Variants in CUL5 observed in about 807,000 individuals in gnomAD.
CUL5 encodes cullin 5.
CUL5 carries 26 observed loss-of-function variants against 108.8 expected under a neutral mutation model. The observed-to-expected ratio is 0.24, with a 90% CI of 0.18 to 0.33. The LOEUF (loss-of-function observed/expected upper bound fraction) is 0.33, where lower values mean the gene tolerates loss of function less well. CUL5 is among the 10% of genes least tolerant of loss of function. CUL5 has a pLI of 1.00. For missense variants in CUL5, 524 were observed against 909.2 expected (o/e 0.58, Z 5.45); for synonymous variants, 334 against 298.0 (o/e 1.12, Z -1.25).
At chr11:108,067,849 C>A (rs1005054883) in intron 7 of CUL5, among the ~76,000 whole-genome samples, 7 of 152,166 alleles carry the variant, frequency 4.6e-5, no homozygotes, top group African/African-American at 1.4e-4. Context: ...GATTACTCAG[C>A]AGTTGGGGCA....
intron 8 of CUL5, 107 bp from the exon 9 acceptor site, chr11:108,072,225 G>A (rs760484703): frequency 4.1e-5 from 36 of 877,398 alleles, no homozygotes; most frequent in Admixed American, 1.6e-4. Context: ...ACTCCTAATG[G>A]CATTGTATCC....
intron 18 of CUL5, among the ~76,000 whole-genome samples, chr11:108,098,735 T>C (rs988678022): frequency 1.3e-5 from 2 of 152,010 alleles, no homozygotes; most frequent in African/African-American, 2.4e-5. Context: ...TTTAAAAATA[T>C]ATTAAAAATT....
At chr11:108,041,991 CTAAA>C (rs1862929935) in intron 2 of CUL5, among the ~76,000 whole-genome samples, 2 of 152,044 alleles carry the variant, frequency 1.3e-5, no homozygotes, top group African/African-American at 4.8e-5. Context: ...TTATAGTAAA[CTAAA>C]TAAAAGATGA....
rs750544241 is a variant in CUL5 at position 108,072,317 on chromosome 11, G to C, written c.875-15G>C. 16 of 1,581,864 alleles carry C rather than the reference G, an allele frequency of 1.0e-5. No individual in the cohort carries two copies. The South Asian group carries it at 1.9e-4, about 18-fold the overall frequency. On this transcript the variant is annotated splice_polypyrimidine_tract_variant and intron_variant, in intron 8 of 18. Transcript: ENST00000393094. ...GTAAATGAAATGATTACATGAATGT[G>C]TTCTCTCCTTCCAGAATTACATTTA...
intron 1 of CUL5, among the ~76,000 whole-genome samples, chr11:108,013,142 C>T (rs763068355): frequency 6.6e-6 from 1 of 152,144 alleles, no homozygotes; most frequent in Non-Finnish European, 1.5e-5. Flanking sequence ...TATTATTGCT[C>T]ATTTCCTCTG....
At chr11:108,019,219 T>G (rs1862273338) in intron 1 of CUL5, among the ~76,000 whole-genome samples, 1 of 144,376 alleles carries the variant, frequency 6.9e-6, no homozygotes, top group African/African-American at 2.5e-5. Context: ...TGGGGTGGGG[T>G]GGATCCTGGA....
At chr11:108,042,134 C>G (rs1457893010) in intron 2 of CUL5, among the ~76,000 whole-genome samples, 4 of 151,330 alleles carry the variant, frequency 2.6e-5, no homozygotes, top group Non-Finnish European at 4.4e-5. Flanking sequence ...TTTCTTATCA[C>G]TTCACATTTT....
rs572346234 is a variant in CUL5 at position 108,066,998 on chromosome 11, G to A, written c.781-3098G>A. Among the ~76,000 whole-genome samples the A allele has an allele frequency of 7.2e-5, 11 of 152,316 alleles. No homozygotes were observed. In the South Asian group the frequency reaches 1.2e-3, roughly 17 times the overall value. ...GTTCTGAGCATGTAGCCATCACTAA[G>A]TATGTACATGCTCTACTTCTGTAGT... is the stretch of plus-strand genomic sequence containing the variant. On this transcript the variant is annotated intron_variant, in intron 7 of 18. Transcript: ENST00000393094.
At chr11:108,073,081 A>T (rs1027940604) in intron 9 of CUL5, among the ~76,000 whole-genome samples, 5 of 151,988 alleles carry the variant, frequency 3.3e-5, no homozygotes, top group African/African-American at 1.2e-4. Context: ...GGGCGCCTAT[A>T]GTCCCAGCTA....
chr11:108,031,810 A>G (rs1430392066), intron 1 of CUL5, among the ~76,000 whole-genome samples: 2 of 152,238 alleles, frequency 1.3e-5, no homozygotes, highest in Non-Finnish European at 1.5e-5. Flanking sequence ...AAAATGTGGT[A>G]CATATACACC....
intron 11 of CUL5, among the ~76,000 whole-genome samples, chr11:108,086,344 A>G (rs1385892886): frequency 6.6e-6 from 1 of 152,200 alleles, no homozygotes; most frequent in East Asian, 1.9e-4. Context: ...AATCCCAGCT[A>G]GTTGGGAGGC....
At chr11:108,096,450 C>T (rs1227110487) in intron 16 of CUL5, among the ~76,000 whole-genome samples, 1 of 151,460 alleles carries the variant, frequency 6.6e-6, no homozygotes, top group Non-Finnish European at 1.5e-5. Context: ...CACACCACTG[C>T]ACTCCAGCCT....
chr11:108,028,704 T>G (rs1372356847), intron 1 of CUL5, among the ~76,000 whole-genome samples: 1 of 151,962 alleles, frequency 6.6e-6, no homozygotes, highest in Non-Finnish European at 1.5e-5. Flanking sequence ...AGCGTGGTGG[T>G]GCACACCTGT....
At chr11:108,078,100 G>A in intron 10 of CUL5, 76 bp from the exon 11 acceptor site, 1 of 787,742 alleles carries the variant, frequency 1.3e-6, no homozygotes, top group Non-Finnish European at 2.0e-6. Flanking sequence ...ATATTTTTAT[G>A]TGTTTTGGGA....
chr11:108,010,092 CAG>C (rs1287159809), intron 1 of CUL5, among the ~76,000 whole-genome samples: 2 of 152,256 alleles, frequency 1.3e-5, no homozygotes, highest in Non-Finnish European at 2.9e-5. Context: ...TCTAGGCCCA[CAG>C]GGGCAGATTC....
At chr11:108,055,519 A>G (rs1328240900) in intron 7 of CUL5, among the ~76,000 whole-genome samples, 1 of 151,602 alleles carries the variant, frequency 6.6e-6, no homozygotes, top group East Asian at 1.9e-4. Flanking sequence ...TGGTGCAATT[A>G]TACCTCACTG....
rs77918129 is a variant in CUL5 at position 108,050,039 on chromosome 11, A to G, written c.384A>G (p.Ser128=). ...LMGKQGSNKK[S]NVEDSIVRKL... is the part of the protein sequence containing the mutation. The stretch of plus-strand genomic sequence containing the variant: ...GTAAACAGGGCAGCAATAAAAAATC[A>G]AATGTGGAAGACAGTATTGTTCGAA... Residue 128 remains serine, a synonymous_variant, in exon 4 of 19, where the codon TCA becomes TCG. Coordinates refer to ENST00000393094, the MANE Select transcript of CUL5 (RefSeq NM_003478.6). 8.2e-4 allele frequency: 1,330 copies of G among 1,612,764 alleles called. No individual in the cohort carries two copies. Among genetic ancestry groups the G allele is most frequent in the Non-Finnish European group, 1.1e-3 (1,277 of 1,179,560 alleles).
chr11:108,033,771 T>G (rs1305529709), intron 1 of CUL5, 31 bp from the exon 2 acceptor site: 1 of 1,372,636 alleles, frequency 7.3e-7, no homozygotes, highest in African/African-American at 1.5e-5. Flanking sequence ...GCATTTAAAT[T>G]AAACTCCCTT....
chr11:108,094,496 A>G lies in CUL5; in HGVS notation c.1549A>G (p.Asn517Asp). 6.9e-7 allele frequency: 1 copy of G among 1,458,422 alleles called. No homozygotes were observed. The highest frequency in any genetic ancestry group is 9.4e-7 in the Non-Finnish European group (1 of 1,059,976). 90.3% of individuals were successfully genotyped at this position (1,458,422 alleles called of 1,614,324 possible). Residue 517 changes from asparagine (N) to aspartate (D), a missense_variant, in exon 14 of 19, where the codon AAT becomes GAT. By Grantham distance (23) the Asn-to-Asp change is conservative (BLOSUM62 1). This residue lies in a region of CUL5 where 23 missense variants were observed against 19.9 expected (regional missense o/e 1.16). Transcript: ENST00000393094. The stretch of plus-strand genomic sequence containing the variant: ...AGCTTTTAAGGAAATGCACAAAAAT[A>G]ATAAATTGGCATTACCAGGTATTAT... ...NQAFKEMHKNNKLALPADSVN... is the reference protein window; with the variant it reads ...NQAFKEMHKNDKLALPADSVN...
Sources: gnomAD v4.1 joint callset for allele counts (sites outside exome capture counted in the v4.1 genomes callset) on GRCh38, gnomAD v4.1.1 for gene constraint, gnomAD v4.1.1 regional missense constraint, MANE v1.5 for transcripts, NCBI Gene and HGNC (gene_info 2026-07-23, HGNC 2026-07-21) for gene names.